The following SUGCT variants were observed in gnomAD, a reference collection of about 807,000 sequenced individuals.
SUGCT encodes succinyl-CoA:glutarate-CoA transferase, also known as succinyl-CoA:glutarate CoA-transferase.
SUGCT carries 41 observed loss-of-function variants against 55.0 expected under a neutral mutation model. That is an observed-to-expected ratio of 0.74 (90% CI 0.58 to 0.97). The LOEUF (loss-of-function observed/expected upper bound fraction) is 0.97. Among genes scored for constraint, SUGCT ranks in the 50% least tolerant of loss-of-function variants. The probability of loss-of-function intolerance (pLI) is 0.00; values close to 1 mark genes in which losing one functional copy is unlikely to be tolerated. For missense variants in SUGCT, 568 were observed against 547.8 expected (o/e 1.04, Z -0.37); for synonymous variants, 187 against 200.4 (o/e 0.93, Z 0.56).
At chr7:40,958,099 C>T in the SUGCT span, among the ~76,000 whole-genome samples, 120,835 of 151,992 alleles carry the variant, frequency 0.8, 48,157 homozygotes, top group Middle Eastern at 0.84. Context: ...TAAGATTTTT[C>T]TCTTCATTTC....
chr7:40,932,540 T>C, the SUGCT span, among the ~76,000 whole-genome samples: 2 of 151,568 alleles, frequency 1.3e-5, no homozygotes, highest in Admixed American at 1.3e-4. Context: ...AGTCTCCCAT[T>C]ATTATTGTGT....
At chr7:40,181,038 T>C in intron 2 of SUGCT, 40 bp downstream of exon 2, 2 of 1,421,750 alleles carry the variant, frequency 1.4e-6, no homozygotes, top group Non-Finnish European at 2.0e-6. Context: ...ATTGGGTTTT[T>C]CCCTTTCCTC....
chr7:40,817,856 C>T (rs554375823), intron 13 of SUGCT, among the ~76,000 whole-genome samples: 13 of 152,076 alleles, frequency 8.5e-5, no homozygotes, highest in South Asian at 8.3e-4. Context: ...TTACATAAGC[C>T]GAGAGAGAGA....
chr7:40,739,019 A>T (rs1046077955), intron 12 of SUGCT, among the ~76,000 whole-genome samples: 9 of 152,030 alleles, frequency 5.9e-5, no homozygotes, highest in African/African-American at 4.8e-5. Context: ...GACCATAATT[A>T]AAAAAAAGCT....
chr7:40,566,764 G>C (rs1032723934), intron 12 of SUGCT, among the ~76,000 whole-genome samples: 2 of 152,126 alleles, frequency 1.3e-5, no homozygotes, highest in Non-Finnish European at 2.9e-5. Context: ...GCTCATAAAA[G>C]CTGTTTTAAT....
intron 8 of SUGCT, among the ~76,000 whole-genome samples, chr7:40,311,113 T>C (rs2151097655): frequency 6.6e-6 from 1 of 152,316 alleles, no homozygotes; most frequent in East Asian, 1.9e-4. Context: ...TACCCAGATA[T>C]TCAGCAGGAC....
chr7:40,364,418 T>C (rs1270313660), intron 9 of SUGCT, among the ~76,000 whole-genome samples: 1 of 152,148 alleles, frequency 6.6e-6, no homozygotes, highest in Non-Finnish European at 1.5e-5. Context: ...CTCAATGGTC[T>C]TTACATTTTG....
At chr7:40,349,032 G>A (rs559917292) in intron 9 of SUGCT, among the ~76,000 whole-genome samples, 112 of 152,134 alleles carry the variant, frequency 7.4e-4, no homozygotes, top group African/African-American at 2.6e-3. Context: ...CTTTTATATT[G>A]TGGGATATTT....
the SUGCT span, among the ~76,000 whole-genome samples, chr7:41,003,602 T>C: frequency 2.6e-4 from 39 of 152,324 alleles, no homozygotes; most frequent in African/African-American, 8.2e-4. Context: ...CATGGGCATA[T>C]GTCTCTCTAT....
chr7:40,171,404 G>A (rs1784663832), intron 1 of SUGCT, among the ~76,000 whole-genome samples: 1 of 152,074 alleles, frequency 6.6e-6, no homozygotes, highest in Non-Finnish European at 1.5e-5. Flanking sequence ...TTTTCCCTCA[G>A]TCACCCTGGA....
At chr7:40,570,156 CAG>C (rs1475162243) in intron 12 of SUGCT, among the ~76,000 whole-genome samples, 3 of 152,230 alleles carry the variant, frequency 2.0e-5, no homozygotes, top group Non-Finnish European at 4.4e-5. Flanking sequence ...CGTTTTAAGA[CAG>C]ACTTATTTTA....
chr7:40,837,842 G>A (rs548566029), intron 13 of SUGCT, among the ~76,000 whole-genome samples: 13 of 152,256 alleles, frequency 8.5e-5, no homozygotes, highest in African/African-American at 2.6e-4. Flanking sequence ...CCGACCTCCT[G>A]ACCTCAGGAG....
intron 7 of SUGCT, among the ~76,000 whole-genome samples, chr7:40,249,869 C>T (rs1584462419): frequency 1.3e-5 from 2 of 152,268 alleles, no homozygotes; most frequent in East Asian, 1.9e-4. Context: ...TCACCGCAAC[C>T]TCTGCCTCCT....
intron 12 of SUGCT, among the ~76,000 whole-genome samples, chr7:40,631,655 G>A (rs1799794285): frequency 6.6e-6 from 1 of 152,164 alleles, no homozygotes; most frequent in Non-Finnish European, 1.5e-5. Context: ...GATTCTGCCT[G>A]CAGATGTCCA....
At chr7:40,890,632 A>G in the SUGCT span, among the ~76,000 whole-genome samples, 2 of 152,238 alleles carry the variant, frequency 1.3e-5, no homozygotes, top group South Asian at 2.1e-4. Context: ...CCTGCCCACA[A>G]GCCCCACCAG....
intron 1 of SUGCT, chr7:40,153,724 AG>A (rs1788705314): frequency 8.3e-6 from 4 of 479,110 alleles, no homozygotes; most frequent in African/African-American, 2.0e-5. Flanking sequence ...GGTTGTGAAT[AG>A]AGCAGCAAAC....
At chr7:40,912,025 G>A in the SUGCT span, among the ~76,000 whole-genome samples, 7 of 152,208 alleles carry the variant, frequency 4.6e-5, no homozygotes, top group South Asian at 4.1e-4. Context: ...AAGGTCTGGC[G>A]TTTCAAGAAA....
intron 9 of SUGCT, among the ~76,000 whole-genome samples, chr7:40,362,903 A>G (rs1316895149): frequency 6.6e-6 from 1 of 152,220 alleles, no homozygotes; most frequent in Non-Finnish European, 1.5e-5. Flanking sequence ...TATATGAAAT[A>G]GATCTAATTT....
chr7:40,610,854 G>A (rs1302974849), intron 12 of SUGCT, among the ~76,000 whole-genome samples: 1 of 152,162 alleles, frequency 6.6e-6, no homozygotes, highest in African/African-American at 2.4e-5. Flanking sequence ...ATTCCATCAT[G>A]AACTTTGGTC....
Sources: gnomAD v4.1 joint callset for allele counts (sites outside exome capture counted in the v4.1 genomes callset) on GRCh38, gnomAD v4.1.1 for gene constraint, MANE v1.5 for transcripts, NCBI Gene and HGNC (gene_info 2026-07-23, HGNC 2026-07-21) for gene names.